TSHZ2: variants seen among roughly 807,000 people sequenced by gnomAD.
TSHZ2 encodes teashirt homolog 2.
Under a neutral mutation model 74.4 loss-of-function variants are expected in TSHZ2, and 21 were observed. The ratio of observed to expected loss-of-function variants is 0.28; its 90% CI spans 0.20 to 0.41. The LOEUF (loss-of-function observed/expected upper bound fraction) is 0.41. TSHZ2 is among the 10% of genes least tolerant of loss of function. TSHZ2 has a pLI of 1.00. For missense variants in TSHZ2, 1,244 were observed against 1,293.5 expected, an observed-to-expected ratio of 0.96 and a Z score of 0.59; for synonymous variants, 540 against 515.3, an observed-to-expected ratio of 1.05 and a Z score of -0.65.
chr20:53,193,273 A>C (rs899032304), intron 1 of TSHZ2, among the ~76,000 whole-genome samples: 1 of 151,958 alleles, frequency 6.6e-6, no homozygotes, highest in African/African-American at 2.4e-5. Flanking sequence ...AAATAAGAAA[A>C]TGTTTCCAGT....
At chr20:53,464,051 GA>G (rs1985483907) in intron 2 of TSHZ2, among the ~76,000 whole-genome samples, 1 of 152,206 alleles carries the variant, frequency 6.6e-6, no homozygotes, top group South Asian at 2.1e-4. Flanking sequence ...GATGCCTGAA[GA>G]CCCTTTACTT....
chr20:53,067,715 C>T (rs566244245), intron 1 of TSHZ2, among the ~76,000 whole-genome samples: 5 of 152,302 alleles, frequency 3.3e-5, no homozygotes, highest in East Asian at 1.9e-4. Flanking sequence ...GTGATAGATA[C>T]GGTCACTTTC....
intron 2 of TSHZ2, among the ~76,000 whole-genome samples, chr20:53,483,772 A>G (rs1986220776): frequency 6.6e-6 from 1 of 152,198 alleles, no homozygotes. Context: ...CCAAGACAGG[A>G]ACTATAATAA....
intron 2 of TSHZ2, among the ~76,000 whole-genome samples, chr20:53,467,421 A>T (rs1016963017): frequency 6.6e-6 from 1 of 152,224 alleles, no homozygotes; most frequent in Admixed American, 6.5e-5. Flanking sequence ...TTTATTCTAC[A>T]TCTCATTCCA....
rs1392863629 is a variant in TSHZ2 at position 53,280,480 on chromosome 20, C to T, written c.*8+23909C>T. Among the ~76,000 whole-genome samples, 7 of 152,136 alleles carry T rather than the reference C, an allele frequency of 4.6e-5. No individual in the cohort carries two copies. The South Asian group carries it at 6.2e-4, about 14-fold the overall frequency. On this transcript the variant is annotated intron_variant, in intron 2 of 2. Transcript: ENST00000371497. ...ACTTGAGTATGAAATATGTTTCCATCGCATTAGGAGTAAGGATCCAAAATG... is the reference window on the plus strand; with the variant it reads ...ACTTGAGTATGAAATATGTTTCCATTGCATTAGGAGTAAGGATCCAAAATG...
At chr20:53,316,902 G>T (rs550792244) in intron 2 of TSHZ2, among the ~76,000 whole-genome samples, 29 of 152,072 alleles carry the variant, frequency 1.9e-4, no homozygotes, top group African/African-American at 7.0e-4. Context: ...CACAATAAAT[G>T]GTTTCTTTTA....
chr20:53,021,403 A>T (rs1983241660), intron 1 of TSHZ2, among the ~76,000 whole-genome samples: 1 of 152,162 alleles, frequency 6.6e-6, no homozygotes, highest in African/African-American at 2.4e-5. Context: ...ATTCCAAAGC[A>T]CACTAGTTTA....
chr20:53,382,336 C>T (rs928093735), intron 2 of TSHZ2, among the ~76,000 whole-genome samples: 6 of 152,176 alleles, frequency 3.9e-5, no homozygotes, highest in African/African-American at 1.4e-4. Flanking sequence ...GTGATTTGGC[C>T]ATGCCCTTGG....
At chr20:53,219,399 AT>A (rs1989506135) in intron 1 of TSHZ2, among the ~76,000 whole-genome samples, 1 of 152,244 alleles carries the variant, frequency 6.6e-6, no homozygotes, top group South Asian at 2.1e-4. Context: ...AAAATGGAAT[AT>A]TCATCCCTGT....
At chr20:53,063,310 T>C (rs1389249944) in intron 1 of TSHZ2, among the ~76,000 whole-genome samples, 1 of 152,206 alleles carries the variant, frequency 6.6e-6, no homozygotes, top group Non-Finnish European at 1.5e-5. Context: ...TGCCTGTATA[T>C]GCACTTAACC....
chr20:53,206,575 C>A (rs62208277), intron 1 of TSHZ2: 10,557 of 152,230 alleles, frequency 0.069, 503 homozygotes, highest in Non-Finnish European at 0.11. Flanking sequence ...GTCTTTCATC[C>A]CCTTGCTTTT....
At chr20:52,990,801 A>G (rs1355044943) in intron 1 of TSHZ2, among the ~76,000 whole-genome samples, 1 of 152,244 alleles carries the variant, frequency 6.6e-6, no homozygotes, top group East Asian at 1.9e-4. Context: ...TCCAATGTTT[A>G]GAAGGTCCAT....
At chr20:53,171,336 G>A (rs187172066) in intron 1 of TSHZ2, among the ~76,000 whole-genome samples, 1 of 152,212 alleles carries the variant, frequency 6.6e-6, no homozygotes, top group East Asian at 1.9e-4. Flanking sequence ...ATTTTAAATC[G>A]CACATTTCAG....
intron 1 of TSHZ2, among the ~76,000 whole-genome samples, chr20:53,201,384 G>A (rs191019886): frequency 1.6e-4 from 25 of 151,980 alleles, no homozygotes; most frequent in Non-Finnish European, 2.9e-4. Flanking sequence ...TGCATTCTTC[G>A]GCTCAGGGCT....
chr20:53,387,440 TA>T (rs1982088960), intron 2 of TSHZ2, among the ~76,000 whole-genome samples: 1 of 152,230 alleles, frequency 6.6e-6, no homozygotes, highest in South Asian at 2.1e-4. Flanking sequence ...TGGATGTCAC[TA>T]AAGTAAAGGC....
At chr20:53,386,062 G>A (rs924762490) in intron 2 of TSHZ2, among the ~76,000 whole-genome samples, 23 of 152,092 alleles carry the variant, frequency 1.5e-4, no homozygotes, top group African/African-American at 5.6e-4. Context: ...TCCTCCACTG[G>A]AGAAGGCCAG....
chr20:53,213,743 A>G (rs1178049692), intron 1 of TSHZ2, among the ~76,000 whole-genome samples: 1 of 150,610 alleles, frequency 6.6e-6, no homozygotes, highest in East Asian at 2.0e-4. Flanking sequence ...CTGATAAACC[A>G]ACTTCATGGT....
chr20:53,403,983 A>C (rs1216534345), intron 2 of TSHZ2, among the ~76,000 whole-genome samples: 5 of 152,214 alleles, frequency 3.3e-5, no homozygotes, highest in Non-Finnish European at 5.9e-5. Context: ...GTCTTTTAAT[A>C]ATCAAAATCT....
At chr20:53,172,822 GAGC>G (rs1368328617) in intron 1 of TSHZ2, among the ~76,000 whole-genome samples, 1 of 152,214 alleles carries the variant, frequency 6.6e-6, no homozygotes, top group Non-Finnish European at 1.5e-5. Context: ...CTCTTCACCA[GAGC>G]ATGGCTAAGA....
Sources: gnomAD v4.1 joint callset for allele counts (sites outside exome capture counted in the v4.1 genomes callset) on GRCh38, gnomAD v4.1.1 for gene constraint, MANE v1.5 for transcripts, NCBI Gene and HGNC (gene_info 2026-07-23, HGNC 2026-07-21) for gene names.